ADGRL3: variants seen among roughly 807,000 people sequenced by gnomAD.
ADGRL3 encodes calcium-independent alpha-latrotoxin receptor 3.
Under a neutral mutation model 153.5 loss-of-function variants are expected in ADGRL3, and 62 were observed. The ratio of observed to expected loss-of-function variants is 0.40; its 90% confidence interval spans 0.33 to 0.50. ADGRL3 has a LOEUF of 0.50. Among genes scored for constraint, ADGRL3 ranks in the 20% least tolerant of loss-of-function variants. The pLI is 0.47. For missense variants in ADGRL3, 1,641 were observed against 1,859.4 expected, an observed-to-expected ratio of 0.88 and a Z score of 2.16; for synonymous variants, 710 against 672.5, an observed-to-expected ratio of 1.06 and a Z score of -0.86.
chr4:61,878,010 C>G (rs532642252), intron 9 of ADGRL3, among the ~76,000 whole-genome samples: 2 of 152,142 alleles, frequency 1.3e-5, no homozygotes, highest in Non-Finnish European at 2.9e-5. Context: ...CCTTCACCTT[C>G]CGCCATGATT....
intron 21 of ADGRL3, among the ~76,000 whole-genome samples, chr4:62,007,356 T>TTA (rs71666906): frequency 0.025 from 778 of 30,902 alleles, 45 homozygotes; most frequent in Middle Eastern, 0.083. Context: ...GACAAAATGA[T>TTA]TATATATATA....
At chr4:61,206,051 T>A (rs553280141) in intron 1 of ADGRL3, among the ~76,000 whole-genome samples, 1 of 152,198 alleles carries the variant, frequency 6.6e-6, no homozygotes, top group Non-Finnish European at 1.5e-5. Flanking sequence ...TGAAATTAAT[T>A]GAACTTCTTT....
At chr4:61,922,181 C>T (rs1190139694) in intron 13 of ADGRL3, among the ~76,000 whole-genome samples, 2 of 151,970 alleles carry the variant, frequency 1.3e-5, no homozygotes, top group Admixed American at 1.3e-4. Context: ...CTAGAGAGAC[C>T]CACAATAAAC....
At chr4:61,321,643 A>G (rs2095358390) in intron 1 of ADGRL3, among the ~76,000 whole-genome samples, 1 of 151,484 alleles carries the variant, frequency 6.6e-6, no homozygotes, top group Non-Finnish European at 1.5e-5. Context: ...CCTAGACTAC[A>G]AATCTGTACA....
chr4:61,833,318 G>T (rs937399625), intron 9 of ADGRL3, among the ~76,000 whole-genome samples: 1 of 152,140 alleles, frequency 6.6e-6, no homozygotes, highest in Non-Finnish European at 1.5e-5. Context: ...TGCCCGCTGC[G>T]TAGACATAGC....
chr4:61,217,509 T>C (rs1743343856), intron 1 of ADGRL3, among the ~76,000 whole-genome samples: 1 of 152,200 alleles, frequency 6.6e-6, no homozygotes, highest in Non-Finnish European at 1.5e-5. Flanking sequence ...AAAACAAATC[T>C]GAAGTTTTCC....
At chr4:61,687,943 A>T (rs571153041) in intron 6 of ADGRL3, among the ~76,000 whole-genome samples, 86 of 152,206 alleles carry the variant, frequency 5.7e-4, no homozygotes, top group Admixed American at 1.6e-3. Flanking sequence ...TATTGAAAAC[A>T]TTCTATGAAG....
At chr4:61,725,608 C>CAA (rs66483666) in intron 6 of ADGRL3, among the ~76,000 whole-genome samples, 125 of 141,594 alleles carry the variant, frequency 8.8e-4, no homozygotes, top group South Asian at 6.7e-3. Context: ...AAAAAAAAAC[C>CAA]AAAAAAAAAC....
intron 7 of ADGRL3, among the ~76,000 whole-genome samples, 180 bp downstream of exon 7, chr4:61,730,816 C>T (rs1230542494): frequency 1.3e-5 from 2 of 151,780 alleles, no homozygotes; most frequent in East Asian, 1.9e-4. Flanking sequence ...TTTCTTTTAT[C>T]TAAGAAGAGT....
At chr4:61,749,465 T>C (rs2096721990) in intron 8 of ADGRL3, among the ~76,000 whole-genome samples, 1 of 151,954 alleles carries the variant, frequency 6.6e-6, no homozygotes, top group Non-Finnish European at 1.5e-5. Flanking sequence ...CAACCAAATA[T>C]CCAACAATGA....
chr4:61,209,648 C>T (rs1441801334), intron 1 of ADGRL3, among the ~76,000 whole-genome samples: 1 of 152,030 alleles, frequency 6.6e-6, no homozygotes, highest in Non-Finnish European at 1.5e-5. Context: ...TATTTCTGAG[C>T]TCTTCTTCAT....
At chr4:61,575,426 C>T (rs539757852) in intron 4 of ADGRL3, among the ~76,000 whole-genome samples, 1 of 151,978 alleles carries the variant, frequency 6.6e-6, no homozygotes, top group Admixed American at 6.6e-5. Context: ...GACAGGTGAC[C>T]TATGGATGAA....
rs1018887380 is a variant in ADGRL3, at chr4:62,076,066, G to A, written c.*5158G>A. 1 of 152,040 alleles carries A rather than the reference G, an allele frequency of 6.6e-6. No individual in the cohort carries two copies. The highest frequency in any genetic ancestry group is 1.5e-5 in the Non-Finnish European group (1 of 67,970). The allele number at this position is 152,040 out of a possible 1,614,324, so 9.4% of individuals were successfully genotyped here. A position where few individuals can be genotyped will look rare whatever the true frequency, so the allele number is the denominator to read the frequency against. On this transcript the variant is annotated 3_prime_UTR_variant, in exon 27 of 27. Transcript: ENST00000683033. ...TTACAGCCTGCAGAAGAAGTAGCTT[G>A]TTTACGATATTTAAAACTTTGTGAT...
intron 14 of ADGRL3, among the ~76,000 whole-genome samples, chr4:61,935,459 G>T (rs573500889): frequency 6.6e-6 from 1 of 152,166 alleles, no homozygotes; most frequent in East Asian, 1.9e-4. Context: ...CTTGTTATTT[G>T]GCTTATAAAG....
intron 8 of ADGRL3, among the ~76,000 whole-genome samples, chr4:61,739,817 A>G (rs151221129): frequency 0.012 from 1,861 of 152,296 alleles, 26 homozygotes; most frequent in South Asian, 0.019. Flanking sequence ...ACAGAAGTAC[A>G]TTAATACGTA....
chr4:61,500,507 T>C (rs1314340072), intron 3 of ADGRL3, among the ~76,000 whole-genome samples: 1 of 152,198 alleles, frequency 6.6e-6, no homozygotes, highest in African/African-American at 2.4e-5. Context: ...AAGAGAATAC[T>C]GCATAACTTG....
chr4:61,620,091 G>A (rs1269581776), intron 5 of ADGRL3, among the ~76,000 whole-genome samples: 1 of 150,918 alleles, frequency 6.6e-6, no homozygotes, highest in Non-Finnish European at 1.5e-5. Context: ...AATAAGGCTG[G>A]CTTTATGCTT....
rs1158427442 is a variant in ADGRL3, at chr4:61,874,787, CTCTTTTTT to C, written c.1481-17867_1481-17860del. On this transcript the variant is annotated intron_variant, in intron 9 of 26. Coordinates refer to ENST00000683033, the MANE Select transcript of ADGRL3 (RefSeq NM_001387552.1). ...AAATATTTTCAACGACATCAAAATG[CTCTTTTTT>C]TTTTTTTTTTTTTTTTTTTTTTTTG... 1.2e-3 allele frequency among the ~76,000 whole-genome samples: 103 copies of C among 88,604 alleles called. 7 individuals are homozygous for C. Among genetic ancestry groups the C allele is most frequent in the South Asian group, 2.9e-3 (7 of 2,438 alleles). The allele number at this position is 88,604 out of a possible 152,430, so 58.1% of individuals were successfully genotyped here. A position where few individuals can be genotyped will look rare whatever the true frequency, so the allele number is the denominator to read the frequency against.
intron 2 of ADGRL3, among the ~76,000 whole-genome samples, chr4:61,400,426 A>C (rs913631554): frequency 5.3e-5 from 8 of 151,818 alleles, no homozygotes; most frequent in Non-Finnish European, 1.2e-4. Context: ...TGTACTTTTT[A>C]TTTTCTAGAG....
Sources: allele counts gnomAD v4.1 joint callset (sites outside exome capture counted in the v4.1 genomes callset), GRCh38; gene constraint gnomAD v4.1.1; transcripts MANE v1.5; gene names NCBI Gene and HGNC (gene_info 2026-07-23, HGNC 2026-07-21).